DDX4: variants seen among roughly 807,000 people sequenced by gnomAD.
DDX4 encodes probable ATP-dependent RNA helicase DDX4.
DDX4 carries 25 observed loss-of-function variants against 100.0 expected under a neutral mutation model. The ratio of observed to expected loss-of-function variants is 0.25; its 90% CI spans 0.18 to 0.35. DDX4 has a LOEUF of 0.35. Among genes scored for constraint, DDX4 ranks in the 10% least tolerant of loss-of-function variants. The probability of loss-of-function intolerance (pLI) is 1.00; values close to 1 mark genes in which losing one functional copy is unlikely to be tolerated. For synonymous variants in DDX4, 259 were observed against 275.7 expected (o/e 0.94, Z 0.60); for missense variants, 635 against 882.4 (o/e 0.72, Z 3.55).
chr5:55,794,827 C>T (rs942507004), intron 17 of DDX4, among the ~76,000 whole-genome samples: 9 of 152,162 alleles, frequency 5.9e-5, no homozygotes, highest in African/African-American at 2.2e-4. Flanking sequence ...AGTTGCCCAT[C>T]ATTCTGTGCG....
At chr5:55,780,520 T>C (rs1432060997) in intron 8 of DDX4, among the ~76,000 whole-genome samples, 2 of 152,214 alleles carry the variant, frequency 1.3e-5, no homozygotes, top group Non-Finnish European at 2.9e-5. Context: ...AACAGATTTA[T>C]GGTTTTGGAA....
chr5:55,798,304 C>CTTAT, intron 17 of DDX4, 122 bp from the exon 18 acceptor site: 2 of 1,066,888 alleles, frequency 1.9e-6, no homozygotes, highest in Non-Finnish European at 1.3e-6. Flanking sequence ...AACCAACCAT[C>CTTAT]TTATAGCTGT....
At chr5:55,774,386 A>T (rs113361040) in intron 7 of DDX4, among the ~76,000 whole-genome samples, 10,435 of 152,160 alleles carry the variant, frequency 0.069, 556 homozygotes, top group African/African-American at 0.15. Flanking sequence ...TCCTGGGCTC[A>T]AGCAGTTCTC....
At chr5:55,802,928 TTTTC>T (rs1208286299) in intron 18 of DDX4, among the ~76,000 whole-genome samples, 6 of 151,882 alleles carry the variant, frequency 4.0e-5, no homozygotes, top group Non-Finnish European at 5.9e-5. Context: ...ATTAAGCTTA[TTTTC>T]TTTCTTTTTT....
At chr5:55,757,879 A>C (rs909466168) in intron 3 of DDX4, among the ~76,000 whole-genome samples, 2 of 152,132 alleles carry the variant, frequency 1.3e-5, no homozygotes, top group African/African-American at 4.8e-5. Flanking sequence ...CCCTGTCTCT[A>C]CAAAAAAATA....
chr5:55,809,346 C>T (rs528272678), intron 18 of DDX4, among the ~76,000 whole-genome samples: 54 of 152,240 alleles, frequency 3.5e-4, no homozygotes, highest in African/African-American at 1.3e-3. Context: ...CTGACACTCC[C>T]CAGTGAGATG....
intron 13 of DDX4, among the ~76,000 whole-genome samples, chr5:55,786,121 T>A (rs752490956): frequency 2.0e-4 from 31 of 152,190 alleles, no homozygotes; most frequent in Non-Finnish European, 2.1e-4. Context: ...TAAAAAATGC[T>A]TTTCCTAGTG....
At chr5:55,745,813 A>G (rs545330843) in intron 2 of DDX4, among the ~76,000 whole-genome samples, 2 of 152,332 alleles carry the variant, frequency 1.3e-5, no homozygotes, top group Admixed American at 1.3e-4. Context: ...AAAGGGCCAG[A>G]TAATAAATAA....
rs572958477 is a variant in DDX4 at position 55,780,160 on chromosome 5, A to C, written c.496+95A>C. 14 of 1,525,652 alleles carry C rather than the reference A, an allele frequency of 9.2e-6. No homozygotes were observed. The African/African-American group carries it at 1.9e-4, about 21-fold the overall frequency. The allele number at this position is 1,525,652 out of a possible 1,614,324, so 94.5% of individuals were successfully genotyped here. A position where few individuals can be genotyped will look rare whatever the true frequency, so the allele number is the denominator to read the frequency against. ...ATCAAAGAAGGTTGTTATGAGGATT[A>C]TATGAGAATAGCTTAGCTCAGTGAC... On this transcript the variant is annotated intron_variant, in intron 8 of 21. Transcript: ENST00000505374.
intron 18 of DDX4, among the ~76,000 whole-genome samples, chr5:55,807,715 T>G (rs1050364288): frequency 1.3e-5 from 2 of 152,332 alleles, no homozygotes; most frequent in African/African-American, 4.8e-5. Flanking sequence ...TGGGCTTCCC[T>G]TTGTGGGTAA....
intron 18 of DDX4, among the ~76,000 whole-genome samples, chr5:55,801,708 G>T (rs542765126): frequency 2.6e-5 from 4 of 152,220 alleles, no homozygotes; most frequent in African/African-American, 9.6e-5. Flanking sequence ...CAATAAATGG[G>T]CCTCCTTAAG....
chr5:55,744,494 A>T (rs1759149475), intron 2 of DDX4, among the ~76,000 whole-genome samples: 2 of 152,246 alleles, frequency 1.3e-5, no homozygotes, highest in Non-Finnish European at 2.9e-5. Flanking sequence ...GTGAGAAAAA[A>T]ATTACTCAAA....
chr5:55,758,940 G>A (rs1198871046), intron 3 of DDX4, among the ~76,000 whole-genome samples: 1 of 146,064 alleles, frequency 6.8e-6, no homozygotes, highest in East Asian at 2.1e-4. Context: ...CCAGGCTGGA[G>A]TGCAGTGGTT....
At chr5:55,808,041 T>G (rs2112163969) in intron 18 of DDX4, among the ~76,000 whole-genome samples, 1 of 152,318 alleles carries the variant, frequency 6.6e-6, no homozygotes, top group Non-Finnish European at 1.5e-5. Flanking sequence ...TTCTCGAAAC[T>G]TCTCTTCACA....
At chr5:55,801,392 T>A (rs1743294795) in intron 18 of DDX4, among the ~76,000 whole-genome samples, 1 of 152,136 alleles carries the variant, frequency 6.6e-6, no homozygotes, top group South Asian at 2.1e-4. Context: ...AATTTAGAGG[T>A]AGATGTAAAA....
intron 7 of DDX4, among the ~76,000 whole-genome samples, chr5:55,777,164 T>A (rs892611192): frequency 6.6e-6 from 1 of 152,124 alleles, no homozygotes; most frequent in Non-Finnish European, 1.5e-5. Context: ...ATAAAATACA[T>A]AGCTTTACCA....
intron 7 of DDX4, among the ~76,000 whole-genome samples, chr5:55,769,958 C>T (rs1482839561): frequency 6.6e-6 from 1 of 152,014 alleles, no homozygotes; most frequent in Non-Finnish European, 1.5e-5. Flanking sequence ...CCTCCACCTC[C>T]CAGGTTCAAG....
At chr5:55,738,368 T>G (rs1758803537) in intron 1 of DDX4, 1 of 154,614 alleles carries the variant, frequency 6.5e-6, no homozygotes, top group Non-Finnish European at 1.4e-5. Context: ...GTACAAATCC[T>G]TCTTGATGAA....
intron 21 of DDX4, 107 bp downstream of exon 21, chr5:55,815,530 T>C (rs1484080613): frequency 3.6e-6 from 5 of 1,376,790 alleles, no homozygotes; most frequent in Non-Finnish European, 4.7e-6. Context: ...GCCATTGTTT[T>C]CGTGCCTGGA....
Sources: allele counts gnomAD v4.1 joint callset (sites outside exome capture counted in the v4.1 genomes callset), GRCh38; gene constraint gnomAD v4.1.1; transcripts MANE v1.5; gene names NCBI Gene and HGNC (gene_info 2026-07-23, HGNC 2026-07-21).